TUSC3: variants seen among roughly 807,000 people sequenced by gnomAD.
TUSC3 encodes tumor suppressor candidate 3, also known as dolichyl-diphosphooligosaccharide--protein glycosyltransferase subunit TUSC3.
In TUSC3, 45 loss-of-function variants were observed where a neutral mutation model predicts 44.8. The observed-to-expected ratio is 1.00, with a 90% confidence interval of 0.79 to 1.29. The LOEUF (loss-of-function observed/expected upper bound fraction) is 1.29, where lower values mean the gene tolerates loss of function less well. Among genes scored for constraint, TUSC3 ranks in the 50% most tolerant of loss-of-function variants. The probability of loss-of-function intolerance (pLI) is 0.00; values close to 1 mark genes in which losing one functional copy is unlikely to be tolerated. For missense variants in TUSC3, 519 were observed against 437.9 expected (o/e 1.19, Z -1.65); for synonymous variants, 212 against 152.9 (o/e 1.39, Z -2.85).
At position 15,626,163 on chromosome 8, in the gene TUSC3, C is replaced by T. The variant is rs118171017; in HGVS notation, c.308+2914C>T. Among the ~76,000 whole-genome samples the T allele has an allele frequency of 6.7e-4, 102 of 152,262 alleles. No individual in the cohort carries two copies. In the East Asian group the frequency reaches 0.018, roughly 27 times the overall value. On this transcript the variant is annotated intron_variant, in intron 2 of 10. Coordinates refer to ENST00000503731, the MANE Select transcript of TUSC3 (RefSeq NM_006765.4). Reference sequence around the variant, plus strand: ...ACTGTGCCACCCCCACCCTCCTGAGCCTAGGCAGGACCCACTCCCAGGCCT... The same window carrying T: ...ACTGTGCCACCCCCACCCTCCTGAGTCTAGGCAGGACCCACTCCCAGGCCT...
intron 1 of TUSC3, among the ~76,000 whole-genome samples, chr8:15,604,531 T>G (rs1294872643): frequency 6.6e-6 from 1 of 151,788 alleles, no homozygotes; most frequent in Admixed American, 6.6e-5. Flanking sequence ...ATTGTAAATA[T>G]TTTAATAAAA....
At chr8:15,476,338 T>C (rs542648916) in intron 1 of TUSC3, among the ~76,000 whole-genome samples, 1 of 152,346 alleles carries the variant, frequency 6.6e-6, no homozygotes, top group African/African-American at 2.4e-5. Context: ...TCTATTATAC[T>C]TTATCCTTTT....
chr8:15,765,651 T>A lies in TUSC3; in HGVS notation c.*1495T>A, dbSNP rs1021223857. 6.6e-6 allele frequency: 1 copy of A among 152,060 alleles called. No individual in the cohort carries two copies. Among genetic ancestry groups the A allele is most frequent in the African/African-American group, 2.4e-5 (1 of 41,436 alleles). The allele number at this position is 152,060 out of a possible 1,614,324, so 9.4% of individuals were successfully genotyped here. A position where few individuals can be genotyped will look rare whatever the true frequency, so the allele number is the denominator to read the frequency against. On this transcript the variant is annotated 3_prime_UTR_variant, in exon 11 of 11. Transcript: ENST00000503731. ...AAATTACGTAATAATTGTAAGTTTA[T>A]AATCATACTCCCAAATCTGTTACTA...
At chr8:15,688,447 T>TTTA in intron 6 of TUSC3, among the ~76,000 whole-genome samples, 1 of 146,196 alleles carries the variant, frequency 6.8e-6, no homozygotes, top group African/African-American at 2.4e-5. Flanking sequence ...TTTTTTTTTT[T>TTTA]AACTTTTAGG....
the TUSC3 span, among the ~76,000 whole-genome samples, chr8:15,846,889 A>AC: frequency 2.3e-3 from 347 of 150,432 alleles, 4 homozygotes; most frequent in South Asian, 6.0e-3. Context: ...AAAAAAAAAA[A>AC]ACACACACAC....
chr8:15,804,496 A>G, the TUSC3 span, among the ~76,000 whole-genome samples: 1 of 152,114 alleles, frequency 6.6e-6, no homozygotes, highest in African/African-American at 2.4e-5. Flanking sequence ...ATCTTGAGGT[A>G]AGTTTTGTAT....
At chr8:15,847,792 T>A in the TUSC3 span, among the ~76,000 whole-genome samples, 23 of 152,292 alleles carry the variant, frequency 1.5e-4, no homozygotes, top group African/African-American at 5.5e-4. Context: ...GGGGCCATCT[T>A]TGTACCCCTG....
Position 15,765,867 on chromosome 8 carries a change from T to C in TUSC3, c.*1711T>C, listed in dbSNP as rs1196508934. The C allele has an allele frequency of 6.6e-6, 1 of 152,036 alleles. No individual in the cohort carries two copies. The highest frequency in any genetic ancestry group is 2.4e-5 in the African/African-American group (1 of 41,426). 9.4% of individuals were successfully genotyped at this position (152,036 alleles called of 1,614,324 possible). A position where few individuals can be genotyped will look rare whatever the true frequency, so the allele number is the denominator to read the frequency against. On this transcript the variant is annotated 3_prime_UTR_variant, in exon 11 of 11. Coordinates refer to ENST00000503731, the MANE Select transcript of TUSC3 (RefSeq NM_006765.4). ...CTCAAAACTTCATACATAGAGACTCTCAGGTCAAATTTTACAAGTATTAAA... is the reference window on the plus strand; with the variant it reads ...CTCAAAACTTCATACATAGAGACTCCCAGGTCAAATTTTACAAGTATTAAA...
the TUSC3 span, among the ~76,000 whole-genome samples, chr8:15,788,913 G>A: frequency 1.3e-5 from 2 of 152,158 alleles, no homozygotes; most frequent in Non-Finnish European, 2.9e-5. Flanking sequence ...TGGGGTACAA[G>A]ATGAGTCTCA....
At chr8:15,725,289 T>G (rs1328673774) in intron 6 of TUSC3, among the ~76,000 whole-genome samples, 1 of 152,182 alleles carries the variant, frequency 6.6e-6, no homozygotes, top group Non-Finnish European at 1.5e-5. Flanking sequence ...ACTGAACAAC[T>G]TTTTGCACTC....
the TUSC3 span, among the ~76,000 whole-genome samples, chr8:15,775,876 A>T: frequency 6.6e-6 from 1 of 151,440 alleles, no homozygotes; most frequent in African/African-American, 2.4e-5. Flanking sequence ...TAGGAGCAAG[A>T]TGCTTATTAG....
chr8:15,713,648 C>T (rs905018839), intron 6 of TUSC3, among the ~76,000 whole-genome samples: 1 of 152,020 alleles, frequency 6.6e-6, no homozygotes, highest in Non-Finnish European at 1.5e-5. Flanking sequence ...AGATGGCTGC[C>T]TTCTCCTCCC....
chr8:15,470,266 A>G (rs1800471016), intron 1 of TUSC3, among the ~76,000 whole-genome samples: 1 of 151,900 alleles, frequency 6.6e-6, no homozygotes, highest in Admixed American at 6.6e-5. Context: ...CTCAAAAAAA[A>G]AAAAAAAAAG....
At chr8:15,650,410 T>C (rs1201297677) in intron 2 of TUSC3, among the ~76,000 whole-genome samples, 2 of 152,202 alleles carry the variant, frequency 1.3e-5, no homozygotes, top group Non-Finnish European at 2.9e-5. Flanking sequence ...ATGTAGTTGC[T>C]GTCTTGTTGT....
chr8:15,586,541 T>G (rs2129148805), intron 1 of TUSC3, among the ~76,000 whole-genome samples: 1 of 152,228 alleles, frequency 6.6e-6, no homozygotes, highest in South Asian at 2.1e-4. Context: ...AGGGTCGCAT[T>G]ACCTCAGGCC....
chr8:15,574,333 A>G (rs1283605320), intron 1 of TUSC3, among the ~76,000 whole-genome samples: 1 of 152,138 alleles, frequency 6.6e-6, no homozygotes, highest in Non-Finnish European at 1.5e-5. Context: ...AATAAATATG[A>G]TGAGTATGGG....
chr8:15,841,752 G>T, the TUSC3 span, among the ~76,000 whole-genome samples: 1 of 152,130 alleles, frequency 6.6e-6, no homozygotes, highest in Non-Finnish European at 1.5e-5. Flanking sequence ...GACCTCAGGC[G>T]ATTTGACCGC....
At chr8:15,634,228 A>T (rs561010735) in intron 2 of TUSC3, among the ~76,000 whole-genome samples, 49 of 152,148 alleles carry the variant, frequency 3.2e-4, no homozygotes, top group Non-Finnish European at 5.7e-4. Flanking sequence ...TCCAAATGGG[A>T]CCTTCATCAT....
rs369897210 is a variant in TUSC3 at position 15,649,356 on chromosome 8, G to A, written c.309-1341G>A. On this transcript the variant is annotated intron_variant, in intron 2 of 10. Transcript: ENST00000503731. The stretch of plus-strand genomic sequence containing the variant: ...TCCCAGCACTTTGGGAGGCCGAGGC[G>A]GGCAGATCACGAGGTCAGGAGATCG... Among the ~76,000 whole-genome samples, 401 of 151,648 alleles carry A rather than the reference G, an allele frequency of 2.6e-3. 8 individuals carry two copies. In the East Asian group the frequency reaches 0.04, roughly 15 times the overall value.
Sources: allele counts gnomAD v4.1 joint callset (sites outside exome capture counted in the v4.1 genomes callset), GRCh38; gene constraint gnomAD v4.1.1; transcripts MANE v1.5; gene names NCBI Gene and HGNC (gene_info 2026-07-23, HGNC 2026-07-21).